Variants in SDK1 observed in about 807,000 individuals in gnomAD.
SDK1 encodes the protein protein sidekick-1.
A neutral mutation model predicts 245.5 loss-of-function variants in SDK1; 157 were observed. That is an observed-to-expected ratio of 0.64 (90% CI 0.56 to 0.73). The LOEUF is 0.73. SDK1 is among the 30% of genes least tolerant of loss of function. SDK1 has a pLI of 0.00. For synonymous variants in SDK1, 1,647 were observed against 1,278.5 expected, an observed-to-expected ratio of 1.29 and a Z score of -6.15; for missense variants, 3,583 against 3,002.3, an observed-to-expected ratio of 1.19 and a Z score of -4.52.
intron 5 of SDK1, among the ~76,000 whole-genome samples, chr7:3,882,452 CTT>C (rs932119783): frequency 1.1e-4 from 17 of 152,368 alleles, no homozygotes; most frequent in Admixed American, 3.9e-4. Context: ...ATTCTTCTCT[CTT>C]TTATCATCTG....
chr7:3,337,568 C>T (rs1480261053), intron 1 of SDK1, among the ~76,000 whole-genome samples: 1 of 152,100 alleles, frequency 6.6e-6, no homozygotes, highest in African/African-American at 2.4e-5. Flanking sequence ...CAGGATCAAC[C>T]CAAAGGAATC....
rs113769131 is a variant in SDK1, at chr7:3,685,322, CAAAAG to C, written c.713+43225_713+43229del. 8.7e-3 allele frequency among the ~76,000 whole-genome samples: 1,324 copies of C among 151,836 alleles called. 24 individuals are homozygous for C. Among genetic ancestry groups the C allele is most frequent in the African/African-American group, 0.03 (1,259 of 41,412 alleles). ...AGGAAGTAGCAAATTTTTCAATCAC[CAAAAG>C]AAAAGAACTGTGTACAGCAAATTTT... On this transcript the variant is annotated intron_variant, in intron 4 of 44. Coordinates refer to ENST00000404826, the MANE Select transcript of SDK1 (RefSeq NM_152744.4).
intron 22 of SDK1, among the ~76,000 whole-genome samples, chr7:4,095,280 GTCTTCCTCAGCTCCCCCACATCTGAGC>G (rs1782076172): frequency 1.9e-5 from 1 of 53,636 alleles, no homozygotes; most frequent in Non-Finnish European, 3.4e-5. Context: ...CATATCTGAG[GTCTTCCTCAGCTCCCCCACATCTGAGC>G]TCTTCCTCAG....
intron 1 of SDK1, among the ~76,000 whole-genome samples, chr7:3,321,704 T>G: frequency 1.6e-5 from 1 of 61,190 alleles, no homozygotes; most frequent in African/African-American, 1.1e-4. Context: ...CTCCTCCTCC[T>G]CCTCCCCCTC....
chr7:3,409,764 G>T (rs972131637), intron 1 of SDK1, among the ~76,000 whole-genome samples: 1 of 152,136 alleles, frequency 6.6e-6, no homozygotes, highest in Non-Finnish European at 1.5e-5. Context: ...GTATTTAGGT[G>T]GGCTGTGGTG....
chr7:3,573,816 C>CCCTG (rs1780193074), intron 1 of SDK1, among the ~76,000 whole-genome samples: 1 of 151,736 alleles, frequency 6.6e-6, no homozygotes, highest in Non-Finnish European at 1.5e-5. Flanking sequence ...CCTTGAAGCC[C>CCCTG]CCTGCTGTTC....
chr7:4,193,328 T>G (rs866394031), intron 35 of SDK1, among the ~76,000 whole-genome samples: 1 of 133,138 alleles, frequency 7.5e-6, no homozygotes, highest in Non-Finnish European at 1.5e-5. Context: ...ATACAATATA[T>G]AAATATATTA....
chr7:3,496,402 C>G (rs1003267369), intron 1 of SDK1, among the ~76,000 whole-genome samples: 4 of 151,152 alleles, frequency 2.6e-5, no homozygotes, highest in Non-Finnish European at 5.9e-5. Flanking sequence ...TCTTTTTATT[C>G]TTTATAGATG....
intron 13 of SDK1, 30 bp from the exon 14 acceptor site, chr7:3,987,156 C>T: frequency 6.2e-7 from 1 of 1,612,874 alleles, no homozygotes; most frequent in Non-Finnish European, 8.5e-7. Flanking sequence ...GTGTTTTCCT[C>T]TTTTTCCTTT....
intron 1 of SDK1, among the ~76,000 whole-genome samples, chr7:3,369,022 C>CT (rs1231714335): frequency 3.3e-5 from 5 of 151,752 alleles, no homozygotes; most frequent in Non-Finnish European, 5.9e-5. Flanking sequence ...CATGTAAATT[C>CT]TTTTTTTTCT....
chr7:4,021,759 T>G (rs970186573), intron 17 of SDK1, among the ~76,000 whole-genome samples: 15 of 152,352 alleles, frequency 9.8e-5, no homozygotes, highest in African/African-American at 3.6e-4. Flanking sequence ...AATTCTCTCC[T>G]TGTGGCAGAG....
chr7:3,755,453 A>G (rs1254973704), intron 4 of SDK1, among the ~76,000 whole-genome samples: 1 of 152,150 alleles, frequency 6.6e-6, no homozygotes, highest in Non-Finnish European at 1.5e-5. Flanking sequence ...CTCACTGGAT[A>G]CTGAGAAATT....
At chr7:3,611,981 GTGAAGTAAC>G (rs1316570167) in intron 1 of SDK1, among the ~76,000 whole-genome samples, 1 of 152,136 alleles carries the variant, frequency 6.6e-6, no homozygotes, top group African/African-American at 2.4e-5. Flanking sequence ...ATTATTCTAA[GTGAAGTAAC>G]TGGGGAATGG....
At chr7:3,509,077 TGTGTGTGC>T (rs1562529908) in intron 1 of SDK1, among the ~76,000 whole-genome samples, 1 of 137,916 alleles carries the variant, frequency 7.3e-6, no homozygotes, top group African/African-American at 2.8e-5. Context: ...GGTGTGTGTG[TGTGTGTGC>T]GTGTGTGTGT....
At chr7:4,073,531 G>A (rs925039698) in intron 20 of SDK1, among the ~76,000 whole-genome samples, 3 of 152,204 alleles carry the variant, frequency 2.0e-5, no homozygotes, top group Non-Finnish European at 4.4e-5. Context: ...ATGACGCTGT[G>A]TTTCAGTAAA....
chr7:4,154,963 G>T (rs962825529), intron 30 of SDK1, among the ~76,000 whole-genome samples: 3 of 152,020 alleles, frequency 2.0e-5, no homozygotes, highest in African/African-American at 7.2e-5. Context: ...AGCAACGGGG[G>T]TGGGGGGCTT....
At chr7:3,778,384 G>A (rs1043274964) in intron 4 of SDK1, among the ~76,000 whole-genome samples, 4 of 152,134 alleles carry the variant, frequency 2.6e-5, no homozygotes, top group African/African-American at 9.7e-5. Flanking sequence ...AAGTGTTTTG[G>A]CTTTGAACAA....
chr7:4,050,963 A>G (rs1027200611), intron 18 of SDK1, among the ~76,000 whole-genome samples: 2 of 141,150 alleles, frequency 1.4e-5, no homozygotes, highest in Non-Finnish European at 3.0e-5. Context: ...TATATATACT[A>G]TATATGTTAT....
chr7:4,088,095 C>T (rs965937241), intron 22 of SDK1, among the ~76,000 whole-genome samples: 4 of 152,242 alleles, frequency 2.6e-5, no homozygotes, highest in South Asian at 2.1e-4. Flanking sequence ...GATTACCTGC[C>T]GAGGTCACAC....
Sources: gnomAD v4.1 joint callset for allele counts (sites outside exome capture counted in the v4.1 genomes callset) on GRCh38, gnomAD v4.1.1 for gene constraint, MANE v1.5 for transcripts, NCBI Gene and HGNC (gene_info 2026-07-23, HGNC 2026-07-21) for gene names.